ZNF789: variants seen among roughly 807,000 people sequenced by gnomAD.
The protein encoded by ZNF789 is zinc finger protein 789.
ZNF789 carries 11 observed loss-of-function variants against 15.6 expected under a neutral mutation model. The observed-to-expected ratio is 0.70, with a 90% CI of 0.44 to 1.16. ZNF789 has a LOEUF of 1.16. Ranked by LOEUF, ZNF789 falls within the 50% of genes most tolerant of loss-of-function variation. ZNF789 has a pLI of 0.00. For synonymous variants in ZNF789, 159 were observed against 176.0 expected, an observed-to-expected ratio of 0.90 and a Z score of 0.76; for missense variants, 461 against 512.6, an observed-to-expected ratio of 0.90 and a Z score of 0.97.
intron 2 of ZNF789, among the ~76,000 whole-genome samples, chr7:99,477,061 TTTG>T (rs1799374127): frequency 6.6e-6 from 1 of 152,120 alleles, no homozygotes; most frequent in African/African-American, 2.4e-5. Flanking sequence ...TTTTTTTTTT[TTTG>T]ACGGAGTCTC....
intron 3 of ZNF789, among the ~76,000 whole-genome samples, chr7:99,482,771 C>T (rs557817585): frequency 2.6e-5 from 4 of 152,180 alleles, no homozygotes; most frequent in African/African-American, 9.6e-5. Flanking sequence ...GGAGAGAACA[C>T]TTGAACCCGG....
intron 4 of ZNF789, among the ~76,000 whole-genome samples, chr7:99,485,755 C>G (rs542348872): frequency 1.8e-4 from 27 of 152,176 alleles, no homozygotes; most frequent in African/African-American, 6.0e-4. Context: ...TCTCTTGAAC[C>G]CAGGAAGTGG....
At chr7:99,475,326 C>T (rs1373532998) in intron 1 of ZNF789, among the ~76,000 whole-genome samples, 3 of 151,486 alleles carry the variant, frequency 2.0e-5, no homozygotes, top group South Asian at 2.1e-4. Context: ...ACCCAGGAGG[C>T]GGAGGTTGCA....
intron 3 of ZNF789, among the ~76,000 whole-genome samples, chr7:99,482,499 A>G (rs1167707802): frequency 6.6e-6 from 1 of 152,160 alleles, no homozygotes; most frequent in East Asian, 1.9e-4. Flanking sequence ...GGATGTTCAA[A>G]CTGTATTAAT....
At chr7:99,485,176 T>C (rs1232407483) in intron 4 of ZNF789, 1 of 1,535,578 alleles carries the variant, frequency 6.5e-7, no homozygotes, top group Non-Finnish European at 8.7e-7. Context: ...CTGACATATC[T>C]GCATTTTTCT....
At chr7:99,483,000 A>G (rs1221284598) in intron 3 of ZNF789, among the ~76,000 whole-genome samples, 7 of 149,824 alleles carry the variant, frequency 4.7e-5, no homozygotes, top group East Asian at 4.1e-4. Context: ...GGAGGCCGAG[A>G]CAGGTGGATC....
At chr7:99,485,688 C>T (rs182183681) in intron 4 of ZNF789, among the ~76,000 whole-genome samples, 167 of 151,994 alleles carry the variant, frequency 1.1e-3, no homozygotes, top group Middle Eastern at 3.4e-3. Context: ...AAAAACTAGC[C>T]GGGCGTGGTG....
intron 1 of ZNF789, 112 bp from the exon 2 acceptor site, chr7:99,476,291 G>C (rs978503110): frequency 1.6e-6 from 1 of 622,828 alleles, no homozygotes; most frequent in Middle Eastern, 2.7e-4. Flanking sequence ...CAAACACAGG[G>C]ACTTTGTATT....
At chr7:99,486,056 G>A (rs1242129236) in intron 4 of ZNF789, among the ~76,000 whole-genome samples, 3 of 152,082 alleles carry the variant, frequency 2.0e-5, no homozygotes, top group African/African-American at 4.8e-5. Flanking sequence ...GGTGGCTCAC[G>A]CCTGTAATCC....
chr7:99,480,335 A>AAAAC (rs1156956601), intron 3 of ZNF789: 1 of 152,778 alleles, frequency 6.5e-6, no homozygotes, highest in Non-Finnish European at 1.5e-5. Context: ...AAAACAAAAC[A>AAAAC]AAACAACAAC....
In ZNF789 at chr7:99,486,872, G is replaced by T. The variant is rs147857503; in HGVS notation, c.662G>T (p.Arg221Ile). 4.0e-5 allele frequency: 65 copies of T among 1,614,070 alleles called. No individual in the cohort carries two copies. The highest frequency in any genetic ancestry group is 5.1e-5 in the Non-Finnish European group (60 of 1,180,044). ...RRKAWFDQHQ[R>I]IHFLENPFEC... ...AAGGCATGGTTTGATCAACATCAAAGAATTCACTTTTTAGAGAATCCTTTT... is the reference window on the plus strand; with the variant it reads ...AAGGCATGGTTTGATCAACATCAAATAATTCACTTTTTAGAGAATCCTTTT... Residue 221 changes from arginine (R) to isoleucine (I), a missense_variant, in exon 5 of 5, where the codon AGA becomes ATA. Physicochemically the swap from Arg to Ile is moderately conservative, Grantham distance 97. Coordinates refer to ENST00000331410, the MANE Select transcript of ZNF789 (RefSeq NM_213603.3).
intron 3 of ZNF789, chr7:99,480,376 C>G (rs1799557109): frequency 6.6e-6 from 1 of 152,316 alleles, no homozygotes; most frequent in Non-Finnish European, 1.5e-5. Context: ...GGGCACCACT[C>G]CAAACCCTAC....
At chr7:99,483,729 T>A (rs765732722) in intron 3 of ZNF789, 2 of 781,116 alleles carry the variant, frequency 2.6e-6, no homozygotes, top group Admixed American at 3.4e-5. Flanking sequence ...TGTTCCCTTT[T>A]GATATTCAGT....
intron 2 of ZNF789, among the ~76,000 whole-genome samples, chr7:99,476,855 C>T (rs879555825): frequency 7.9e-5 from 12 of 152,226 alleles, no homozygotes; most frequent in Non-Finnish European, 1.5e-4. Context: ...TACTGCTGTA[C>T]ACTCCAGGTG....
intron 4 of ZNF789, chr7:99,485,440 T>G: frequency 1.6e-6 from 1 of 607,162 alleles, no homozygotes; most frequent in Non-Finnish European, 2.9e-6. Flanking sequence ...CATTGCTCTA[T>G]TCAGTTGGCT....
intron 2 of ZNF789, chr7:99,478,404 C>T (rs1460636659): frequency 2.4e-6 from 3 of 1,274,866 alleles, no homozygotes; most frequent in Non-Finnish European, 3.1e-6. Flanking sequence ...GTTTGATAGG[C>T]AGGAAAGAAA....
chr7:99,478,692 G>A (rs1799459066), intron 2 of ZNF789: 5 of 313,208 alleles, frequency 1.6e-5, no homozygotes, highest in Non-Finnish European at 3.2e-5. Flanking sequence ...ACTGGAGGGG[G>A]CAGTCACTTG....
At position 99,486,775 on chromosome 7, in the gene ZNF789, T is replaced by C; in HGVS notation, c.565T>C (p.Leu189=). The change falls in exon 5 of 5, where the codon TTG becomes CTG. Residue 189 remains leucine (L), a synonymous_variant. Coordinates refer to ENST00000331410, the MANE Select transcript of ZNF789 (RefSeq NM_213603.3). ...GKPFNQRSLL[L]GHERILTRAK... ...ACCCTTCAATCAAAGATCTTTGCTT[T>C]TGGGGCATGAGCGAATTCTCACAAG... The C allele has an allele frequency of 6.2e-7, 1 of 1,614,184 alleles. No homozygotes were observed. Among genetic ancestry groups the C allele is most frequent in the Non-Finnish European group, 8.5e-7 (1 of 1,180,038 alleles).
Position 99,487,472 on chromosome 7 carries a change from G to A in ZNF789, c.1262G>A (p.Gly421Glu). 6.2e-7 allele frequency: 1 copy of A among 1,612,168 alleles called. No homozygotes were observed. Among genetic ancestry groups the A allele is most frequent in the East Asian group, 2.2e-5 (1 of 44,850 alleles). Residue 421 changes from glycine to glutamate, a missense_variant, in exon 5 of 5, where the codon GGA becomes GAA. Coordinates refer to ENST00000331410, the MANE Select transcript of ZNF789 (RefSeq NM_213603.3). ...SFIKHQGTHK[G>E]QIST ...ATTAAGCACCAGGGCACTCACAAAGGACAGATATCCACATGATGTTAATTG... is the reference window on the plus strand; with the variant it reads ...ATTAAGCACCAGGGCACTCACAAAGAACAGATATCCACATGATGTTAATTG...
Sources: allele counts gnomAD v4.1 joint callset (sites outside exome capture counted in the v4.1 genomes callset), GRCh38; gene constraint gnomAD v4.1.1; transcripts MANE v1.5; gene names NCBI Gene and HGNC (gene_info 2026-07-23, HGNC 2026-07-21).